EDIL3: variants seen among roughly 807,000 people sequenced by gnomAD.
EDIL3 encodes the protein EGF-like repeat and discoidin I-like domain-containing protein 3.
EDIL3 carries 37 observed loss-of-function variants against 67.4 expected under a neutral mutation model. The observed-to-expected ratio is 0.55, with a 90% CI of 0.42 to 0.72. The LOEUF is 0.72. Among genes scored for constraint, EDIL3 ranks in the 30% least tolerant of loss-of-function variants. The pLI is 0.00. For missense variants in EDIL3, 527 were observed against 586.3 expected (o/e 0.90, Z 1.04); for synonymous variants, 195 against 196.3 (o/e 0.99, Z 0.05).
chr5:84,282,180 T>C (rs566164483), intron 1 of EDIL3, among the ~76,000 whole-genome samples: 1 of 152,158 alleles, frequency 6.6e-6, no homozygotes, highest in South Asian at 2.1e-4. Flanking sequence ...CTCATATTTT[T>C]TAAAGAAACA....
At chr5:84,365,171 A>G (rs1391507231) in intron 1 of EDIL3, among the ~76,000 whole-genome samples, 2 of 152,116 alleles carry the variant, frequency 1.3e-5, no homozygotes, top group Non-Finnish European at 2.9e-5. Flanking sequence ...ATAAATTTGA[A>G]CTGCTAAAAG....
At chr5:84,348,113 G>A (rs1214369954) in intron 1 of EDIL3, among the ~76,000 whole-genome samples, 3 of 152,174 alleles carry the variant, frequency 2.0e-5, no homozygotes, top group Non-Finnish European at 4.4e-5. Flanking sequence ...TGATTATTAA[G>A]CTAATGAAGA....
chr5:83,988,309 A>G (rs1407295808), intron 9 of EDIL3, among the ~76,000 whole-genome samples: 1 of 152,198 alleles, frequency 6.6e-6, no homozygotes, highest in African/African-American at 2.4e-5. Flanking sequence ...TTTGTGATTC[A>G]GGCAACTTCT....
chr5:83,945,435 C>A (rs907700593), intron 10 of EDIL3, among the ~76,000 whole-genome samples: 1 of 151,858 alleles, frequency 6.6e-6, no homozygotes, highest in Non-Finnish European at 1.5e-5. Flanking sequence ...AATTTTGTAG[C>A]CCTGCTAGTG....
intron 10 of EDIL3, among the ~76,000 whole-genome samples, chr5:83,944,134 G>A (rs1744272879): frequency 6.6e-6 from 1 of 152,028 alleles, no homozygotes; most frequent in Non-Finnish European, 1.5e-5. Context: ...GGGCACTGGA[G>A]AGAAGCACAA....
rs569764842 is a variant in EDIL3, at chr5:84,261,853, T to A, written c.68-7641A>T. Among the ~76,000 whole-genome samples, 3 of 152,272 alleles carry A rather than the reference T, an allele frequency of 2.0e-5. No individual in the cohort carries two copies. In the East Asian group the frequency reaches 5.8e-4, roughly 29 times the overall value. On this transcript the variant is annotated intron_variant, in intron 1 of 10. Coordinates refer to ENST00000296591, the MANE Select transcript of EDIL3 (RefSeq NM_005711.5). ...CTTAGATGTTATCCAGTGGTTTGCC[T>A]CACTATTTTTAAGACATTTTTCTTT... is the stretch of plus-strand genomic sequence containing the variant.
chr5:84,339,978 CAT>C (rs1229307982), intron 1 of EDIL3, among the ~76,000 whole-genome samples: 3 of 151,962 alleles, frequency 2.0e-5, no homozygotes. Flanking sequence ...AAAATAAAAA[CAT>C]ATTTTAGCAT....
intron 3 of EDIL3, among the ~76,000 whole-genome samples, chr5:84,202,101 A>G (rs987262065): frequency 2.0e-5 from 3 of 152,172 alleles, no homozygotes; most frequent in Admixed American, 6.5e-5. Context: ...TCCCTTTTCA[A>G]GTTATAAGTG....
intron 4 of EDIL3, among the ~76,000 whole-genome samples, chr5:84,177,684 T>G (rs1416721371): frequency 2.0e-5 from 3 of 152,138 alleles, no homozygotes; most frequent in Non-Finnish European, 4.4e-5. Flanking sequence ...TATATGGGAC[T>G]CTGTACTTTC....
intron 1 of EDIL3, among the ~76,000 whole-genome samples, chr5:84,278,345 G>C (rs963586403): frequency 1.3e-5 from 2 of 152,118 alleles, no homozygotes; most frequent in East Asian, 1.9e-4. Flanking sequence ...CATACATAGA[G>C]AGAATTTTTT....
chr5:84,289,545 C>CA (rs1426512181), intron 1 of EDIL3, among the ~76,000 whole-genome samples: 1 of 152,120 alleles, frequency 6.6e-6, no homozygotes, highest in Non-Finnish European at 1.5e-5. Context: ...TCACTGCTTG[C>CA]AAGTTGTAGT....
chr5:84,050,722 C>T (rs1746319884), intron 9 of EDIL3, among the ~76,000 whole-genome samples: 1 of 152,338 alleles, frequency 6.6e-6, no homozygotes, highest in South Asian at 2.1e-4. Context: ...ATTGCTAGCC[C>T]AGCAGCCTGA....
intron 6 of EDIL3, among the ~76,000 whole-genome samples, chr5:84,089,019 A>G (rs1047207794): frequency 2.0e-5 from 3 of 152,232 alleles, no homozygotes; most frequent in South Asian, 4.1e-4. Context: ...CTGCAAAATG[A>G]TACTTTCAGG....
intron 9 of EDIL3, among the ~76,000 whole-genome samples, chr5:83,968,733 G>C (rs1744738397): frequency 6.6e-6 from 1 of 151,822 alleles, no homozygotes. Flanking sequence ...ATGTCAATCT[G>C]AACTACAACT....
intron 3 of EDIL3, among the ~76,000 whole-genome samples, chr5:84,187,285 C>T (rs961795896): frequency 6.6e-6 from 1 of 151,940 alleles, no homozygotes; most frequent in Non-Finnish European, 1.5e-5. Flanking sequence ...TACTTTTCTG[C>T]ATCTATCTCC....
chr5:84,122,280 A>T (rs183511237), intron 5 of EDIL3, among the ~76,000 whole-genome samples: 2 of 152,156 alleles, frequency 1.3e-5, no homozygotes, highest in East Asian at 3.9e-4. Context: ...CCTAAAAAAT[A>T]CAAATGGAGC....
intron 5 of EDIL3, among the ~76,000 whole-genome samples, chr5:84,110,226 G>A (rs350477): frequency 0.44 from 66,906 of 151,886 alleles, 15,169 homozygotes; most frequent in Non-Finnish European, 0.5. Context: ...TTCACTCTGC[G>A]AAGTTGTCAC....
chr5:84,222,278 C>CT (rs1424614492), intron 3 of EDIL3, among the ~76,000 whole-genome samples: 1 of 151,930 alleles, frequency 6.6e-6, no homozygotes, highest in Non-Finnish European at 1.5e-5. Flanking sequence ...AGCTTCAACT[C>CT]TTTACTACTG....
At chr5:84,060,996 C>G (rs1798604124) in intron 8 of EDIL3, among the ~76,000 whole-genome samples, 1 of 152,078 alleles carries the variant, frequency 6.6e-6, no homozygotes, top group African/African-American at 2.4e-5. Context: ...TTTTGTTTTT[C>G]AAGAAATATG....
Sources: gnomAD v4.1 joint callset for allele counts (sites outside exome capture counted in the v4.1 genomes callset) on GRCh38, gnomAD v4.1.1 for gene constraint, MANE v1.5 for transcripts, NCBI Gene and HGNC (gene_info 2026-07-23, HGNC 2026-07-21) for gene names.